MAK: variants seen among roughly 807,000 people sequenced by gnomAD.
The protein encoded by MAK is serine/threonine-protein kinase MAK.
MAK carries 65 observed loss-of-function variants against 82.6 expected under a neutral mutation model. The ratio of observed to expected loss-of-function variants is 0.79; its 90% confidence interval spans 0.64 to 0.97. MAK has a LOEUF of 0.97. Among genes scored for constraint, MAK ranks in the 50% least tolerant of loss-of-function variants. The pLI is 0.00. For synonymous variants in MAK, 250 were observed against 274.2 expected, an observed-to-expected ratio of 0.91 and a Z score of 0.87; for missense variants, 703 against 780.2, an observed-to-expected ratio of 0.90 and a Z score of 1.18.
Position 10,830,795 on chromosome 6 carries a change from T to A in MAK, c.-147A>T. The stretch of plus-strand genomic sequence containing the variant: ...AGGTTTGTCATCATTAAATATAGTC[T>A]CTCCCCCAAGATTACAGAGGTTCAT... On this transcript the variant is annotated 5_prime_UTR_variant, in exon 2 of 15. Transcript: ENST00000354489. The A allele has an allele frequency of 1.4e-6, 1 of 702,666 alleles. No individual in the cohort carries two copies. Among genetic ancestry groups the A allele is most frequent in the Non-Finnish European group, 2.6e-6 (1 of 385,350 alleles). The allele number at this position is 702,666 out of a possible 1,614,324, so 43.5% of individuals were successfully genotyped here.
chr6:10,765,065 C>T (rs1223438148), intron 14 of MAK, among the ~76,000 whole-genome samples: 1 of 149,682 alleles, frequency 6.7e-6, no homozygotes, highest in African/African-American at 2.5e-5. Flanking sequence ...CATTGCACAC[C>T]AGCCTGGGCG....
In MAK at chr6:10,763,563, A is replaced by G. The variant is rs966855259; in HGVS notation, c.*889T>C. On this transcript the variant is annotated 3_prime_UTR_variant, in exon 15 of 15. Coordinates refer to ENST00000354489, the MANE Select transcript of MAK (RefSeq NM_001242957.3). ...TTTATTTCTAAAAAAAAAAAAAAAA[A>G]GCTGGGCACTGTGGCTCACACCTGT... The G allele has an allele frequency of 7.4e-6, 1 of 136,028 alleles. No individual in the cohort carries two copies. The highest frequency in any genetic ancestry group is 2.8e-5 in the African/African-American group (1 of 36,348). 8.4% of individuals were successfully genotyped at this position (136,028 alleles called of 1,614,324 possible).
chr6:10,808,681 A>T, intron 6 of MAK, 129 bp downstream of exon 6: 1 of 964,732 alleles, frequency 1.0e-6, no homozygotes, highest in Non-Finnish European at 1.6e-6. Context: ...CGCTTTCTTT[A>T]AAGAATATAA....
intron 2 of MAK, among the ~76,000 whole-genome samples, chr6:10,823,188 TC>T (rs2030398684): frequency 6.6e-6 from 1 of 152,176 alleles, no homozygotes. Context: ...TCAGGCCAAC[TC>T]CCAAAAGCAG....
rs548469095 is a variant in MAK, at chr6:10,800,983, G to A, written c.831+909C>T. On this transcript the variant is annotated intron_variant, in intron 8 of 14. Coordinates refer to ENST00000354489, the MANE Select transcript of MAK (RefSeq NM_001242957.3). This position sits in a 1 kb window ranked among gnomAD's most constrained non-coding sequence, Gnocchi z 4.2. ...CGTCCTCCCCTCTTTGTGATGCCAC[G>A]TTTGTTTACCTTGTGCTGACTCATA... Among the ~76,000 whole-genome samples the A allele has an allele frequency of 5.9e-5, 9 of 152,162 alleles. No individual in the cohort carries two copies. Among genetic ancestry groups the A allele is most frequent in the Admixed American group, 2.0e-4 (3 of 15,274 alleles).
intron 11 of MAK, among the ~76,000 whole-genome samples, chr6:10,782,685 C>G (rs1459261630): frequency 6.6e-6 from 1 of 150,462 alleles, no homozygotes; most frequent in Non-Finnish European, 1.5e-5. Context: ...TCAAGCAATT[C>G]TCCTGCCTCA....
At chr6:10,775,782 TTTTTG>T (rs781059587) in intron 11 of MAK, among the ~76,000 whole-genome samples, 4 of 152,112 alleles carry the variant, frequency 2.6e-5, no homozygotes, top group Non-Finnish European at 5.9e-5. Flanking sequence ...CACGACGTTT[TTTTTG>T]TTTTGTTTTG....
At chr6:10,815,911 A>AGTGTGTGT (rs1233214233) in intron 4 of MAK, among the ~76,000 whole-genome samples, 36 of 78,180 alleles carry the variant, frequency 4.6e-4, no homozygotes, top group Non-Finnish European at 7.3e-4. Context: ...AGCTTTATAC[A>AGTGTGTGT]GTATATATAT....
At chr6:10,801,785 CTT>C in intron 8 of MAK, 105 bp downstream of exon 8, 1 of 1,039,132 alleles carries the variant, frequency 9.6e-7, no homozygotes, top group Admixed American at 1.9e-5. Flanking sequence ...GTTTAATTCT[CTT>C]AGTAAAATCC....
rs762837543 is a variant in MAK at position 10,784,531 on chromosome 6, CCT to C, written c.1356_1357del (p.Glu454LysfsTer13). The C allele has an allele frequency of 2.0e-5, 33 of 1,613,980 alleles. No individual in the cohort carries two copies. Among genetic ancestry groups the C allele is most frequent in the African/African-American group, 6.7e-5 (5 of 74,892 alleles). On this transcript the variant is annotated frameshift_variant, in exon 11 of 15. Coordinates refer to ENST00000354489, the MANE Select transcript of MAK (RefSeq NM_001242957.3). LOFTEE classifies it high-confidence loss of function. ...AACAGCAGGTAAGCTCTTGTTTTCC[CCT>C]GTCGAGTGGTTGGAGCCTGAGGGTA...
chr6:10,830,809 A>G lies in MAK; in HGVS notation c.-161T>C. The stretch of plus-strand genomic sequence containing the variant: ...TAAATATAGTCTCTCCCCCAAGATT[A>G]CAGAGGTTCATGAGATATAGCATGA... On this transcript the variant is annotated 5_prime_UTR_variant, in exon 2 of 15. Coordinates refer to ENST00000354489, the MANE Select transcript of MAK (RefSeq NM_001242957.3). 1 of 682,968 alleles carries G rather than the reference A, an allele frequency of 1.5e-6. No individual in the cohort carries two copies. Among genetic ancestry groups the G allele is most frequent in the Admixed American group, 2.0e-5 (1 of 48,962 alleles). 42.3% of individuals were successfully genotyped at this position (682,968 alleles called of 1,614,324 possible). A position where few individuals can be genotyped will look rare whatever the true frequency, so the allele number is the denominator to read the frequency against.
intron 1 of MAK, among the ~76,000 whole-genome samples, chr6:10,833,331 G>A (rs1581782784): frequency 6.6e-6 from 1 of 152,302 alleles, no homozygotes; most frequent in South Asian, 2.1e-4. Flanking sequence ...TGGGCTGGGC[G>A]CCCTGGCTCA....
chr6:10,765,179 A>G (rs1012598956), intron 14 of MAK, among the ~76,000 whole-genome samples: 5 of 152,156 alleles, frequency 3.3e-5, no homozygotes, highest in African/African-American at 1.2e-4. Context: ...GCTATTTTTA[A>G]TATTTTACAT....
chr6:10,800,141 C>CT lies in MAK; in HGVS notation c.831+1750dup, dbSNP rs1319361000. 6.6e-6 allele frequency among the ~76,000 whole-genome samples: 1 copy of CT among 152,086 alleles called. No individual in the cohort carries two copies. The highest frequency in any genetic ancestry group is 1.9e-4 in the East Asian group (1 of 5,196). On this transcript the variant is annotated intron_variant, in intron 8 of 14. Transcript: ENST00000354489. The surrounding 1 kb of genome is among the most constrained non-coding windows in gnomAD (Gnocchi z 4.2). ...ATAAGCCAAGCGTGGTGGCGGGCAC[C>CT]TGCAATCCCAGCAACTCGGGAGGCT...
At chr6:10,810,475 G>T (rs9379798) in intron 5 of MAK, among the ~76,000 whole-genome samples, 24,461 of 151,452 alleles carry the variant, frequency 0.16, 1,920 homozygotes, top group Middle Eastern at 0.2. Flanking sequence ...GAATAGCTGG[G>T]ATTACAGGCG....
intron 14 of MAK, among the ~76,000 whole-genome samples, chr6:10,767,426 TGTTA>T (rs753878297): frequency 6.6e-6 from 1 of 151,988 alleles, no homozygotes; most frequent in African/African-American, 2.4e-5. Flanking sequence ...TCGAAGTCCT[TGTTA>T]GTTTCAAGGC....
chr6:10,808,353 G>A (rs11758460), intron 6 of MAK, among the ~76,000 whole-genome samples: 1 of 152,128 alleles, frequency 6.6e-6, no homozygotes, highest in Non-Finnish European at 1.5e-5. Flanking sequence ...GTGAGTATAC[G>A]ATGCTACTGT....
At chr6:10,822,182 G>A (rs551405155) in intron 2 of MAK, among the ~76,000 whole-genome samples, 164 of 147,850 alleles carry the variant, frequency 1.1e-3, no homozygotes, top group Non-Finnish European at 2.0e-3. Flanking sequence ...GGCCGGGTGC[G>A]GTGGCTCACA....
intron 11 of MAK, among the ~76,000 whole-genome samples, chr6:10,782,021 C>T (rs1774015096): frequency 6.6e-6 from 1 of 152,102 alleles, no homozygotes; most frequent in South Asian, 2.1e-4. Context: ...ACCTGGCCAA[C>T]ATGGTGAAAC....
Sources: gnomAD v4.1 joint callset for allele counts (sites outside exome capture counted in the v4.1 genomes callset) on GRCh38, gnomAD v4.1.1 for gene constraint, Gnocchi (gnomAD v3.1) non-coding constraint, MANE v1.5 for transcripts, NCBI Gene and HGNC (gene_info 2026-07-23, HGNC 2026-07-21) for gene names.